The following EIF3I variants were observed in gnomAD, a reference collection of about 807,000 sequenced individuals.
EIF3I encodes TGF-beta receptor-interacting protein 1.
EIF3I carries 20 observed loss-of-function variants against 43.3 expected under a neutral mutation model. The ratio of observed to expected loss-of-function variants is 0.46; its 90% CI spans 0.32 to 0.67. The LOEUF (loss-of-function observed/expected upper bound fraction) is 0.67. Ranked by LOEUF, EIF3I falls within the 30% of genes least tolerant of loss-of-function variation. The pLI is 0.03. For synonymous variants in EIF3I, 167 were observed against 151.7 expected, an observed-to-expected ratio of 1.10 and a Z score of -0.74; for missense variants, 279 against 421.4, an observed-to-expected ratio of 0.66 and a Z score of 2.96.
chr1:32,222,441 G>A, exon 1 of EIF3I: 1 of 1,600,416 alleles, frequency 6.2e-7, no homozygotes, highest in Non-Finnish European at 8.5e-7. Context: ...TCACAGCCGG[G>A]ATGGTGAGTT....
chr1:32,232,083 G>A (rs992555110), downstream of EIF3I: 7 of 152,778 alleles, frequency 4.6e-5, no homozygotes, highest in African/African-American at 1.4e-4. Context: ...AGATGGCCAA[G>A]GGATTGAGGA....
At chr1:32,223,142 C>A (rs562097905) in intron 2 of EIF3I, among the ~76,000 whole-genome samples, 2 of 152,324 alleles carry the variant, frequency 1.3e-5, no homozygotes, top group South Asian at 2.1e-4. Context: ...TCTAATCTTT[C>A]TACCAGGATA....
In EIF3I at chr1:32,226,130, A is replaced by G. The variant is rs749554481; in HGVS notation, c.251-41A>G. On this transcript the variant is annotated intron_variant, in intron 4 of 11. Transcript: ENST00000676679. The stretch of plus-strand genomic sequence containing the variant: ...CATTCTCTAGAATGTCCTCCCTGCA[A>G]TTGCAATGGATGGTGTAGCCCAGAC... The G allele has an allele frequency of 6.2e-6, 10 of 1,600,854 alleles. No homozygotes were observed. The Admixed American group carries it at 6.8e-5, about 11-fold the overall frequency.
chr1:32,229,717 A>AT (rs1268345592), intron 9 of EIF3I, among the ~76,000 whole-genome samples: 3 of 150,580 alleles, frequency 2.0e-5, no homozygotes, highest in Admixed American at 6.6e-5. Flanking sequence ...CGCCTGGCTA[A>AT]TTTTTGTATT....
chr1:32,228,728 T>A (rs1469499160), exon 8 of EIF3I: 6 of 1,613,714 alleles, frequency 3.7e-6, no homozygotes, highest in Non-Finnish European at 5.1e-6. Flanking sequence ...TCTCTCCAGC[T>A]TTTTGACTCC....
At chr1:32,225,277 A>C (rs1292183976) in intron 4 of EIF3I, among the ~76,000 whole-genome samples, 1 of 152,190 alleles carries the variant, frequency 6.6e-6, no homozygotes, top group African/African-American at 2.4e-5. Flanking sequence ...TGCCCAGCCT[A>C]AGCTGTTCTG....
Position 32,224,018 on chromosome 1 carries a change from G to A in EIF3I, c.97-16G>A. The A allele has an allele frequency of 6.2e-7, 1 of 1,613,780 alleles. No homozygotes were observed. The highest frequency in any genetic ancestry group is 1.7e-4 in the Middle Eastern group (1 of 6,058). Reference sequence around the variant, plus strand: ...CTTACTGGGATGTGTACTATCCTGTGGTTTGACTTTTCCAGATCGTCAATG... The same window carrying A: ...CTTACTGGGATGTGTACTATCCTGTAGTTTGACTTTTCCAGATCGTCAATG... On this transcript the variant is annotated splice_polypyrimidine_tract_variant and intron_variant, in intron 2 of 11. Coordinates refer to ENST00000676679, the Ensembl canonical transcript of EIF3I.
chr1:32,231,357 G>A, downstream of EIF3I: 1 of 598,798 alleles, frequency 1.7e-6, no homozygotes, highest in East Asian at 3.3e-5. Flanking sequence ...CAGGCATGGT[G>A]GCACACGCCT....
downstream of EIF3I, chr1:32,231,939 T>A (rs1043248515): frequency 6.5e-6 from 1 of 152,926 alleles, no homozygotes; most frequent in African/African-American, 2.4e-5. Flanking sequence ...TTCTGCAGGC[T>A]CAGGTGAGCA....
chr1:32,233,399 C>A (rs1323511152), downstream of EIF3I, among the ~76,000 whole-genome samples: 1 of 152,104 alleles, frequency 6.6e-6, no homozygotes, highest in Non-Finnish European at 1.5e-5. Context: ...TGTGATCTGC[C>A]CACCTCAGCC....
downstream of EIF3I, among the ~76,000 whole-genome samples, chr1:32,233,854 A>G (rs1458131730): frequency 6.6e-6 from 1 of 152,194 alleles, no homozygotes; most frequent in African/African-American, 2.4e-5. Flanking sequence ...TGGACAGAGT[A>G]GGTCTGTCTA....
At chr1:32,230,682 A>G (rs551829173) in intron 10 of EIF3I, among the ~76,000 whole-genome samples, 1 of 152,232 alleles carries the variant, frequency 6.6e-6, no homozygotes, top group Non-Finnish European at 1.5e-5. Flanking sequence ...CTAAAAATAC[A>G]AAAATTAGCC....
chr1:32,235,415 C>T (rs1639287716), downstream of EIF3I, among the ~76,000 whole-genome samples: 1 of 151,910 alleles, frequency 6.6e-6, no homozygotes, highest in African/African-American at 2.4e-5. Flanking sequence ...ACTGCAACCT[C>T]CGCCTCCCGG....
At chr1:32,223,895 A>G (rs1233912806) in intron 2 of EIF3I, 139 bp from the exon 3 acceptor site, 1 of 725,484 alleles carries the variant, frequency 1.4e-6, no homozygotes, top group South Asian at 1.7e-5. Context: ...TCTTTTTACC[A>G]GCTCCCTGCT....
chr1:32,222,418 G>C, exon 1 of EIF3I: 1 of 1,591,960 alleles, frequency 6.3e-7, no homozygotes, highest in Non-Finnish European at 8.6e-7. Context: ...CTCACGTTGC[G>C]GCCTTCCTCG....
intron 4 of EIF3I, among the ~76,000 whole-genome samples, chr1:32,225,577 T>C (rs756163736): frequency 1.5e-4 from 23 of 150,698 alleles, no homozygotes; most frequent in Non-Finnish European, 3.0e-4. Context: ...ACCCCGTCTA[T>C]TAAAAATACA....
At chr1:32,235,667 T>C (rs1003326552), downstream of EIF3I, among the ~76,000 whole-genome samples, 1 of 152,086 alleles carries the variant, frequency 6.6e-6, no homozygotes, top group African/African-American at 2.4e-5. Flanking sequence ...TGGGAGAGAC[T>C]CAAGACCCTT....
At chr1:32,233,700 G>A (rs1639267598), downstream of EIF3I, among the ~76,000 whole-genome samples, 3 of 152,314 alleles carry the variant, frequency 2.0e-5, no homozygotes, top group South Asian at 6.2e-4. Flanking sequence ...GAGCCCAAAT[G>A]ATTCCACTCT....
intron 6 of EIF3I, 57 bp from the exon 7 acceptor site, chr1:32,228,442 G>A (rs769325435): frequency 3.6e-5 from 53 of 1,456,388 alleles, no homozygotes; most frequent in Non-Finnish European, 4.5e-5. Context: ...GGGTTTCTGG[G>A]GAGCTGAGAT....
Sources: allele counts gnomAD v4.1 joint callset (sites outside exome capture counted in the v4.1 genomes callset), GRCh38; gene constraint gnomAD v4.1.1; transcripts MANE v1.5; gene names NCBI Gene and HGNC (gene_info 2026-07-23, HGNC 2026-07-21).